The following CNOT4 variants were observed in gnomAD, a reference collection of about 807,000 sequenced individuals.
CNOT4 encodes CCR4-associated factor 4.
A neutral mutation model predicts 73.8 loss-of-function variants in CNOT4; 8 were observed. The ratio of observed to expected loss-of-function variants is 0.11; its 90% CI spans 0.06 to 0.20. The LOEUF (loss-of-function observed/expected upper bound fraction) is 0.20, where lower values mean the gene tolerates loss of function less well. Ranked by LOEUF, CNOT4 falls within the 10% of genes least tolerant of loss-of-function variation. The probability of loss-of-function intolerance (pLI) is 1.00; values close to 1 mark genes in which losing one functional copy is unlikely to be tolerated. For missense variants in CNOT4, 564 were observed against 883.4 expected, an observed-to-expected ratio of 0.64 and a Z score of 4.58; for synonymous variants, 293 against 321.1, an observed-to-expected ratio of 0.91 and a Z score of 0.94.
intron 1 of CNOT4, among the ~76,000 whole-genome samples, chr7:135,479,719 A>G (rs1430574777): frequency 6.6e-6 from 1 of 151,742 alleles, no homozygotes; most frequent in African/African-American, 2.4e-5. Context: ...CAACATGGAG[A>G]AACCTGGTCT....
chr7:135,399,511 AT>A (rs1796890838), intron 7 of CNOT4, among the ~76,000 whole-genome samples: 1 of 152,108 alleles, frequency 6.6e-6, no homozygotes, highest in African/African-American at 2.4e-5. Flanking sequence ...AAACATTGAT[AT>A]GTGGTACATG....
At chr7:135,459,223 G>A (rs1559535) in intron 1 of CNOT4, among the ~76,000 whole-genome samples, 94,135 of 151,540 alleles carry the variant, frequency 0.62, 29,690 homozygotes, top group East Asian at 0.76. Flanking sequence ...TTTTCTGAGC[G>A]GTAGGTCTCA....
chr7:135,444,376 CA>C (rs1187054714), intron 1 of CNOT4: 6 of 689,396 alleles, frequency 8.7e-6, no homozygotes, highest in African/African-American at 1.8e-5. Context: ...AAGTGTCCAT[CA>C]ATGGAGGCAT....
At chr7:135,422,762 T>C (rs551384530) in intron 2 of CNOT4, among the ~76,000 whole-genome samples, 4 of 152,220 alleles carry the variant, frequency 2.6e-5, no homozygotes, top group Non-Finnish European at 5.9e-5. Context: ...AATGAAAACC[T>C]ACTATGTGCT....
chr7:135,492,305 G>A (rs1023188892), intron 1 of CNOT4, among the ~76,000 whole-genome samples: 21 of 152,082 alleles, frequency 1.4e-4, no homozygotes, highest in Non-Finnish European at 2.1e-4. Context: ...ACTTTCAGCC[G>A]CACAGATGTA....
At chr7:135,417,927 G>C (rs1797958137) in intron 3 of CNOT4, among the ~76,000 whole-genome samples, 1 of 152,192 alleles carries the variant, frequency 6.6e-6, no homozygotes, top group South Asian at 2.1e-4. Flanking sequence ...AAGGTGGAAT[G>C]CTATCCCTTG....
At chr7:135,415,294 G>T in intron 3 of CNOT4, 32 bp from the exon 4 acceptor site, 1 of 1,156,102 alleles carries the variant, frequency 8.6e-7, no homozygotes. Context: ...GGTATAAACT[G>T]TCCCCATTTT....
chr7:135,501,866 T>C (rs1803989562), intron 1 of CNOT4, among the ~76,000 whole-genome samples: 1 of 152,224 alleles, frequency 6.6e-6, no homozygotes, highest in African/African-American at 2.4e-5. Flanking sequence ...AAATGTCTCC[T>C]CCACAACGCA....
intron 10 of CNOT4, among the ~76,000 whole-genome samples, chr7:135,374,715 T>C (rs1325680541): frequency 6.6e-6 from 1 of 152,324 alleles, no homozygotes; most frequent in Middle Eastern, 3.4e-3. Context: ...ATCACATAGT[T>C]CTTTCATAAG....
chr7:135,473,052 ATAC>A (rs748708101), intron 1 of CNOT4, among the ~76,000 whole-genome samples: 1 of 152,000 alleles, frequency 6.6e-6, no homozygotes, highest in Non-Finnish European at 1.5e-5. Context: ...AAAAAAAAAA[ATAC>A]AATTTATAGT....
chr7:135,363,646 C>T lies in CNOT4; in HGVS notation c.1840+208G>A, dbSNP rs1317378286. Among the ~76,000 whole-genome samples the T allele has an allele frequency of 6.6e-6, 1 of 152,190 alleles. No individual in the cohort carries two copies. Among genetic ancestry groups the T allele is most frequent in the East Asian group, 1.9e-4 (1 of 5,208 alleles). Reference sequence around the variant, plus strand: ...CACCTACTTAAACCAGAAGAAGCAACCTAGGCACCAAATGCCTTCTTATTA... The same window carrying T: ...CACCTACTTAAACCAGAAGAAGCAATCTAGGCACCAAATGCCTTCTTATTA... On this transcript the variant is annotated intron_variant, in intron 11 of 11. Transcript: ENST00000541284. The surrounding 1 kb of genome is among the most constrained non-coding windows in gnomAD (Gnocchi z 4.3).
intron 1 of CNOT4, among the ~76,000 whole-genome samples, chr7:135,483,485 T>G (rs114099296): frequency 1.3e-5 from 2 of 152,142 alleles, no homozygotes; most frequent in East Asian, 3.9e-4. Context: ...AATCACATGA[T>G]CATATCATTG....
intron 5 of CNOT4, 21 bp downstream of exon 5, chr7:135,414,310 G>T: frequency 9.3e-5 from 67 of 719,392 alleles, no homozygotes; most frequent in Non-Finnish European, 1.3e-4. Context: ...AAAAAAAAAA[G>T]AATCAAGAGG....
intron 3 of CNOT4, 39 bp from the exon 4 acceptor site, chr7:135,415,301 T>C (rs1284567854): frequency 1.9e-6 from 2 of 1,058,194 alleles, no homozygotes; most frequent in Non-Finnish European, 2.9e-6. Context: ...ACTGTCCCCA[T>C]TTTAAACAAC....
intron 10 of CNOT4, among the ~76,000 whole-genome samples, chr7:135,383,758 T>G (rs1795965986): frequency 6.6e-6 from 1 of 152,230 alleles, no homozygotes; most frequent in South Asian, 2.1e-4. Context: ...ATCATTCCCT[T>G]AGCAACACTA....
chr7:135,396,031 A>C, intron 8 of CNOT4, 148 bp from the exon 9 acceptor site: 1 of 599,012 alleles, frequency 1.7e-6, no homozygotes, highest in Non-Finnish European at 3.0e-6. Context: ...GTTTCAGAAA[A>C]TCAATTAAAT....
In CNOT4 at chr7:135,380,137, A is replaced by C. The variant is rs992452107; in HGVS notation, c.1627+13781T>G. ...TCCTTGATTGGGGAAAAAAAAAAAA[A>C]CAAAAAAACCCAGCAGATATGCTAT... On this transcript the variant is annotated intron_variant, in intron 10 of 11. Transcript: ENST00000541284. Among the ~76,000 whole-genome samples the C allele has an allele frequency of 4.6e-5, 7 of 152,084 alleles. No individual in the cohort carries two copies. In the East Asian group the frequency reaches 7.7e-4, roughly 17 times the overall value.
Position 135,507,649 on chromosome 7 carries a change from C to A in CNOT4, c.-93+2240G>T, listed in dbSNP as rs1585752470. On this transcript the variant is annotated intron_variant, in intron 1 of 11. Transcript: ENST00000541284. ...ATGTATTAAAATCACTTACTCCCTT[C>A]TACCAGACAAACAATCCTCTCCTAG... is the stretch of plus-strand genomic sequence containing the variant. Among the ~76,000 whole-genome samples the A allele has an allele frequency of 1.3e-5, 2 of 152,282 alleles. 1 individual carries two copies. The highest frequency in any genetic ancestry group is 6.8e-3 in the Middle Eastern group (2 of 294).
At chr7:135,420,792 G>C (rs895820527) in intron 3 of CNOT4, among the ~76,000 whole-genome samples, 4 of 151,842 alleles carry the variant, frequency 2.6e-5, no homozygotes, top group African/African-American at 9.7e-5. Flanking sequence ...AACGATCAAA[G>C]GTGAGGCAGG....
Sources: gnomAD v4.1 joint callset for allele counts (sites outside exome capture counted in the v4.1 genomes callset) on GRCh38, gnomAD v4.1.1 for gene constraint, Gnocchi (gnomAD v3.1) non-coding constraint, MANE v1.5 for transcripts, NCBI Gene and HGNC (gene_info 2026-07-23, HGNC 2026-07-21) for gene names.